The following ANXA11 variants were observed in gnomAD, a reference collection of about 807,000 sequenced individuals.
The protein encoded by ANXA11 is 56 kDa autoantigen.
ANXA11 carries 57 observed loss-of-function variants against 64.7 expected under a neutral mutation model. The ratio of observed to expected loss-of-function variants is 0.88; its 90% CI spans 0.71 to 1.10. The LOEUF is 1.10. ANXA11 is among the 50% of genes least tolerant of loss of function. The pLI is 0.00. For synonymous variants in ANXA11, 260 were observed against 265.2 expected (o/e 0.98, Z 0.19); for missense variants, 675 against 670.7 (o/e 1.01, Z -0.07).
In ANXA11 at chr10:80,157,302, G is replaced by A. The variant is rs116451103; in HGVS notation, c.1458+339C>T. 1.0e-3 allele frequency: 1,010 copies of A among 985,450 alleles called. 5 individuals carry two copies. The African/African-American group carries it at 0.016, about 15-fold the overall frequency. The allele number at this position is 985,450 out of a possible 1,614,324, so 61.0% of individuals were successfully genotyped here. The stretch of plus-strand genomic sequence containing the variant: ...AGTGCTTTGTCAGGGAGTGACAGCA[G>A]AGCTCCACAGAGCCTTTGGGACATG... On this transcript the variant is annotated intron_variant, in intron 15 of 15. Transcript: ENST00000422982.
rs1353082543 is a variant in ANXA11 at position 80,171,811 on chromosome 10, G to T, written c.56-896C>A. ...GAGGCTGCTCAGCTGTGCTAGCAAA[G>T]GTGGCAGTGGCAGGATCTGGATGGC... On this transcript the variant is annotated intron_variant, in intron 3 of 15. Transcript: ENST00000422982. 8 of 985,550 alleles carry T rather than the reference G, an allele frequency of 8.1e-6. No homozygotes were observed. The South Asian group carries it at 2.3e-4, about 29-fold the overall frequency. The allele number at this position is 985,550 out of a possible 1,614,324, so 61.1% of individuals were successfully genotyped here.
intron 1 of ANXA11, among the ~76,000 whole-genome samples, chr10:80,202,562 C>G (rs1030769447): frequency 6.6e-6 from 1 of 152,076 alleles, no homozygotes; most frequent in African/African-American, 2.4e-5. Flanking sequence ...GCTTTCCTAT[C>G]TAGGTATCAC....
At chr10:80,195,774 G>A in intron 1 of ANXA11, 1 of 162,566 alleles carries the variant, frequency 6.2e-6, no homozygotes. Context: ...GGCTGAAGGT[G>A]AAAGGCACGT....
intron 3 of ANXA11, chr10:80,171,571 G>A (rs1845977515): frequency 2.1e-6 from 2 of 939,430 alleles, no homozygotes; most frequent in Admixed American, 6.2e-5. Flanking sequence ...GGCTAATGGT[G>A]AGTGTATGCC....
At chr10:80,159,598 G>T (rs1845425725) in intron 12 of ANXA11, among the ~76,000 whole-genome samples, 1 of 152,120 alleles carries the variant, frequency 6.6e-6, no homozygotes. Flanking sequence ...ACTAACAGAG[G>T]ACTCACATGA....
At chr10:80,194,769 T>C (rs966994339) in intron 1 of ANXA11, among the ~76,000 whole-genome samples, 9 of 152,174 alleles carry the variant, frequency 5.9e-5, no homozygotes, top group African/African-American at 1.9e-4. Flanking sequence ...AGGAAAGGGC[T>C]GCAAAAGGGA....
At chr10:80,184,333 C>G (rs946937140) in intron 1 of ANXA11, among the ~76,000 whole-genome samples, 1 of 152,088 alleles carries the variant, frequency 6.6e-6, no homozygotes, top group Non-Finnish European at 1.5e-5. Context: ...CACAGCAGTC[C>G]CCAACTTATG....
intron 1 of ANXA11, among the ~76,000 whole-genome samples, chr10:80,186,641 C>G (rs72809515): frequency 6.6e-6 from 1 of 152,200 alleles, no homozygotes. Context: ...TCCAACCCTG[C>G]GGGCACCAGA....
chr10:80,166,469 T>C lies in ANXA11; in HGVS notation c.745-272A>G, dbSNP rs375637048. On this transcript the variant is annotated intron_variant, in intron 7 of 15. Coordinates refer to ENST00000422982, the MANE Select transcript of ANXA11 (RefSeq NM_145868.2). ...ACGAATCTAATCAATATTTACCGAA[T>C]TTTTATCTTTCTAAGATTCAAAACC... 1.7e-4 allele frequency: 76 copies of C among 453,954 alleles called. No individual in the cohort carries two copies. In the East Asian group the frequency reaches 2.7e-3, roughly 16 times the overall value. 28.1% of individuals were successfully genotyped at this position (453,954 alleles called of 1,614,324 possible). A position where few individuals can be genotyped will look rare whatever the true frequency, so the allele number is the denominator to read the frequency against.
At chr10:80,180,014 GCA>G (rs928483959) in intron 1 of ANXA11, among the ~76,000 whole-genome samples, 1 of 152,154 alleles carries the variant, frequency 6.6e-6, no homozygotes, top group Non-Finnish European at 1.5e-5. Flanking sequence ...AATGCCAAAA[GCA>G]TAGAGCAGCT....
intron 4 of ANXA11, among the ~76,000 whole-genome samples, chr10:80,170,324 T>C (rs145781054): frequency 5.9e-5 from 9 of 152,336 alleles, no homozygotes; most frequent in Admixed American, 2.0e-4. Flanking sequence ...ACGTTTGTTT[T>C]CAAATCATAA....
intron 8 of ANXA11, among the ~76,000 whole-genome samples, chr10:80,164,488 C>T (rs1440914797): frequency 3.9e-5 from 6 of 152,078 alleles, no homozygotes; most frequent in South Asian, 2.1e-4. Context: ...AGAGTTCAGC[C>T]GGAAGCGAGA....
At chr10:80,191,696 C>T (rs1424256750) in intron 1 of ANXA11, among the ~76,000 whole-genome samples, 2 of 152,216 alleles carry the variant, frequency 1.3e-5, no homozygotes, top group Non-Finnish European at 2.9e-5. Context: ...TACCAATCAA[C>T]ATGAGTCACC....
chr10:80,203,115 G>A (rs1324443943), intron 1 of ANXA11, among the ~76,000 whole-genome samples: 1 of 150,696 alleles, frequency 6.6e-6, no homozygotes, highest in Non-Finnish European at 1.5e-5. Flanking sequence ...GGGTGCACCA[G>A]AAAGGTCCCA....
At chr10:80,168,448 G>A (rs1351665620) in intron 5 of ANXA11, among the ~76,000 whole-genome samples, 1 of 152,146 alleles carries the variant, frequency 6.6e-6, no homozygotes, top group African/African-American at 2.4e-5. Context: ...GGAGAAACAG[G>A]ACAGCTCCCT....
chr10:80,154,423 G>T lies in ANXA11; in HGVS notation c.*1430C>A, dbSNP rs1169220617. ...GGCCAAATTTTTTAGTAGAGACAGG[G>T]GTCTCGCTGTTGGCTAGGCTAGTCT... On this transcript the variant is annotated 3_prime_UTR_variant, in exon 16 of 16. Coordinates refer to ENST00000422982, the MANE Select transcript of ANXA11 (RefSeq NM_145868.2). 1 of 152,100 alleles carries T rather than the reference G, an allele frequency of 6.6e-6. No individual in the cohort carries two copies. 9.4% of individuals were successfully genotyped at this position (152,100 alleles called of 1,614,324 possible).
intron 2 of ANXA11, among the ~76,000 whole-genome samples, chr10:80,174,241 G>C (rs559305198): frequency 7.3e-5 from 11 of 151,722 alleles, no homozygotes; most frequent in Admixed American, 5.9e-4. Context: ...ATGTTGCCGA[G>C]GCTGGTATAT....
chr10:80,156,098 C>T (rs1845265056), intron 15 of ANXA11, among the ~76,000 whole-genome samples, 186 bp from the exon 16 acceptor site: 2 of 152,176 alleles, frequency 1.3e-5, no homozygotes, highest in Non-Finnish European at 2.9e-5. Flanking sequence ...CTTCTCCAGG[C>T]CCCCATCAGA....
chr10:80,196,268 CCAGA>C (rs1840160560), intron 1 of ANXA11, among the ~76,000 whole-genome samples: 1 of 152,190 alleles, frequency 6.6e-6, no homozygotes, highest in African/African-American at 2.4e-5. Context: ...AGTGCCAGAG[CCAGA>C]CACTTTTTTT....
Sources: allele counts gnomAD v4.1 joint callset (sites outside exome capture counted in the v4.1 genomes callset), GRCh38; gene constraint gnomAD v4.1.1; transcripts MANE v1.5; gene names NCBI Gene and HGNC (gene_info 2026-07-23, HGNC 2026-07-21).